BBOX1: variants seen among roughly 807,000 people sequenced by gnomAD.
BBOX1 encodes the protein gamma-butyrobetaine dioxygenase.
Under a neutral mutation model 41.6 loss-of-function variants are expected in BBOX1, and 35 were observed. The observed-to-expected ratio is 0.84, with a 90% confidence interval of 0.64 to 1.11. BBOX1 has a LOEUF of 1.11. BBOX1 is among the 50% of genes most tolerant of loss of function. BBOX1 has a pLI of 0.00. For missense variants in BBOX1, 458 were observed against 460.6 expected (o/e 0.99, Z 0.05); for synonymous variants, 163 against 154.7 (o/e 1.05, Z -0.40).
In BBOX1 at chr11:27,070,165, G is replaced by A. The variant is rs191726035; in HGVS notation, c.334+12850G>A. Among the ~76,000 whole-genome samples the A allele has an allele frequency of 4.4e-4, 67 of 152,210 alleles. No homozygotes were observed. In the East Asian group the frequency reaches 9.8e-3, roughly 22 times the overall value. On this transcript the variant is annotated intron_variant, in intron 4 of 8. Coordinates refer to ENST00000263182, the MANE Select transcript of BBOX1 (RefSeq NM_003986.3). ...ATTTTGATTTTCTTAAATTTATTGA[G>A]AAATGTTTTGTGAACTATTATATGG...
At chr11:27,090,125 G>A (rs1858189917) in intron 4 of BBOX1, among the ~76,000 whole-genome samples, 3 of 151,900 alleles carry the variant, frequency 2.0e-5, no homozygotes, top group South Asian at 4.2e-4. Flanking sequence ...GACTGCCCTG[G>A]GGAACTTCAC....
chr11:27,120,434 A>T (rs536030052), intron 7 of BBOX1, among the ~76,000 whole-genome samples: 2 of 152,110 alleles, frequency 1.3e-5, no homozygotes, highest in African/African-American at 4.8e-5. Flanking sequence ...CTGATTGTCC[A>T]TGCCTGGATC....
At chr11:27,116,508 T>C (rs974883504) in intron 6 of BBOX1, among the ~76,000 whole-genome samples, 2 of 151,880 alleles carry the variant, frequency 1.3e-5, no homozygotes, top group Admixed American at 1.3e-4. Context: ...CCTAACTTGA[T>C]GGCTTAAGAA....
intron 7 of BBOX1, among the ~76,000 whole-genome samples, chr11:27,123,840 C>T (rs896041169): frequency 6.6e-6 from 1 of 152,150 alleles, no homozygotes; most frequent in African/African-American, 2.4e-5. Context: ...TAGGGTACTC[C>T]ATTACCTAGT....
intron 5 of BBOX1, among the ~76,000 whole-genome samples, chr11:27,104,447 C>G (rs1043181576): frequency 7.2e-5 from 11 of 152,072 alleles, no homozygotes; most frequent in Non-Finnish European, 1.5e-4. Context: ...TCATTGAATT[C>G]TTGAATTTTC....
At chr11:27,114,520 A>T (rs1158642584) in intron 5 of BBOX1, among the ~76,000 whole-genome samples, 2 of 151,872 alleles carry the variant, frequency 1.3e-5, no homozygotes, top group Non-Finnish European at 2.9e-5. Flanking sequence ...CAGTAATCTA[A>T]GTAGTGTGAT....
chr11:27,101,703 T>C (rs575583486), intron 5 of BBOX1, among the ~76,000 whole-genome samples: 1 of 152,246 alleles, frequency 6.6e-6, no homozygotes, highest in South Asian at 2.1e-4. Context: ...TTTATTTTAT[T>C]TTTAAATTAT....
intron 2 of BBOX1, among the ~76,000 whole-genome samples, chr11:27,046,970 A>G (rs1283629870): frequency 6.6e-6 from 1 of 152,060 alleles, no homozygotes; most frequent in Non-Finnish European, 1.5e-5. Flanking sequence ...TAAATAATCC[A>G]GAAAAAGTTA....
Position 27,093,229 on chromosome 11 carries a change from A to G in BBOX1, c.396A>G (p.Arg132=). Residue 132 remains arginine, a synonymous_variant, in exon 5 of 9, where the codon AGA becomes AGG. Transcript: ENST00000263182. ...CTTTGGATTTTGAAGATGTTTTAAGATATGATGAACACGCATACAAGTGGC... is the reference window on the plus strand; with the variant it reads ...CTTTGGATTTTGAAGATGTTTTAAGGTATGATGAACACGCATACAAGTGGC... ...LPTLDFEDVL[R]YDEHAYKWLS... is the part of the protein sequence containing the mutation. 6.2e-7 allele frequency: 1 copy of G among 1,612,470 alleles called. No homozygotes were observed. Among genetic ancestry groups the G allele is most frequent in the Non-Finnish European group, 8.5e-7 (1 of 1,178,980 alleles).
At chr11:27,107,000 G>A (rs1279662146) in intron 5 of BBOX1, among the ~76,000 whole-genome samples, 3 of 151,984 alleles carry the variant, frequency 2.0e-5, no homozygotes, top group African/African-American at 4.8e-5. Flanking sequence ...TGGGTACATA[G>A]TGAAATGAAG....
chr11:27,106,500 T>C (rs1324083025), intron 5 of BBOX1, among the ~76,000 whole-genome samples: 3 of 152,172 alleles, frequency 2.0e-5, no homozygotes, highest in African/African-American at 7.2e-5. Flanking sequence ...AGAAGCCCAT[T>C]ACATAATGGT....
At chr11:27,046,807 A>T (rs2133943885) in intron 2 of BBOX1, among the ~76,000 whole-genome samples, 1 of 152,272 alleles carries the variant, frequency 6.6e-6, no homozygotes, top group African/African-American at 2.4e-5. Flanking sequence ...ACTGAGCTCA[A>T]TTCTAACAAG....
At chr11:27,047,948 T>C (rs546826560) in intron 2 of BBOX1, among the ~76,000 whole-genome samples, 5 of 152,298 alleles carry the variant, frequency 3.3e-5, no homozygotes, top group African/African-American at 1.2e-4. Flanking sequence ...ATAATCTTTT[T>C]TCACTTTATG....
rs551267414 is a variant in BBOX1 at position 27,055,429 on chromosome 11, A to T, written c.-2A>T. The T allele has an allele frequency of 5.6e-6, 9 of 1,612,568 alleles. No individual in the cohort carries two copies. Among genetic ancestry groups the T allele is most frequent in the African/African-American group, 5.3e-5 (4 of 75,014 alleles). ...CAGCATCTACTCCTGAAGACCGGAA[A>T]CATGGCTTGTACCATCCAAAAGGCA... On this transcript the variant is annotated 5_prime_UTR_variant, in exon 3 of 9. Transcript: ENST00000263182.
intron 2 of BBOX1, among the ~76,000 whole-genome samples, chr11:27,043,739 C>A (rs1343635645): frequency 6.6e-6 from 1 of 151,964 alleles, no homozygotes; most frequent in Admixed American, 6.6e-5. Context: ...TGATGGCTTC[C>A]AGCTTCCTCC....
chr11:27,053,765 C>A (rs1262041361), intron 2 of BBOX1, among the ~76,000 whole-genome samples: 1 of 152,014 alleles, frequency 6.6e-6, no homozygotes, highest in Admixed American at 6.6e-5. Flanking sequence ...AGCTAAATTT[C>A]CAGGTTTGAA....
At position 27,093,200 on chromosome 11, in the gene BBOX1, C is replaced by A. The variant is rs374702245; in HGVS notation, c.367C>A (p.Pro123Thr). Residue 123 changes from proline (P) to threonine (T), a missense_variant, in exon 5 of 9, where the codon CCC (proline) becomes ACC (threonine). Transcript: ENST00000263182. ...ATACTGGGGCTCAGAGCTCCAGCTACCCACTTTGGATTTTGAAGATGTTTT... is the reference window on the plus strand; with the variant it reads ...ATACTGGGGCTCAGAGCTCCAGCTAACCACTTTGGATTTTGAAGATGTTTT... ...CQYWGSELQL[P>T]TLDFEDVLRY... 3.7e-6 allele frequency: 6 copies of A among 1,612,192 alleles called. No homozygotes were observed. The South Asian group carries it at 6.6e-5, about 18-fold the overall frequency.
intron 5 of BBOX1, 61 bp downstream of exon 5, chr11:27,093,427 T>C (rs1400944951): frequency 2.6e-6 from 4 of 1,528,746 alleles, no homozygotes; most frequent in Non-Finnish European, 3.6e-6. Context: ...AGTTCCCAAC[T>C]GAGGACGACC....
chr11:27,124,602 C>T (rs1156406275), intron 7 of BBOX1, among the ~76,000 whole-genome samples: 1 of 152,196 alleles, frequency 6.6e-6, no homozygotes, highest in Non-Finnish European at 1.5e-5. Flanking sequence ...ACTGCAACCT[C>T]TGCCACCTAG....
Sources: allele counts gnomAD v4.1 joint callset (sites outside exome capture counted in the v4.1 genomes callset), GRCh38; gene constraint gnomAD v4.1.1; transcripts MANE v1.5; gene names NCBI Gene and HGNC (gene_info 2026-07-23, HGNC 2026-07-21).